Variants in CLK3 observed in about 807,000 individuals in gnomAD.
CLK3 encodes dual specificity protein kinase CLK3.
In CLK3, 24 loss-of-function variants were observed where a neutral mutation model predicts 65.2. The ratio of observed to expected loss-of-function variants is 0.37; its 90% CI spans 0.27 to 0.52. The LOEUF (loss-of-function observed/expected upper bound fraction) is 0.52, where lower values mean the gene tolerates loss of function less well. Among genes scored for constraint, CLK3 ranks in the 20% least tolerant of loss-of-function variants. The pLI is 0.92. For synonymous variants in CLK3, 252 were observed against 240.8 expected, an observed-to-expected ratio of 1.05 and a Z score of -0.43; for missense variants, 506 against 660.0, an observed-to-expected ratio of 0.77 and a Z score of 2.56.
intron 11 of CLK3, 110 bp downstream of exon 11, chr15:74,628,793 C>G (rs2062165834): frequency 9.4e-7 from 1 of 1,065,214 alleles, no homozygotes; most frequent in Non-Finnish European, 1.4e-6. Context: ...GTCCATGGTT[C>G]CGCAGGCTCC....
chr15:74,626,480 G>GA (rs1421127874), intron 7 of CLK3, among the ~76,000 whole-genome samples: 1 of 152,252 alleles, frequency 6.6e-6, no homozygotes, highest in African/African-American at 2.4e-5. Context: ...CGTTGAGCTA[G>GA]AATCGCTCAA....
rs139147245 is a variant in CLK3 at position 74,629,802 on chromosome 15, C to T, written c.1392C>T (p.Ala464=). Residue 464 remains alanine (A), a synonymous_variant, in exon 13 of 13, where the codon GCC becomes GCT. Transcript: ENST00000395066. The part of the protein sequence containing the change: ...EFDPAQRITL[A]EALLHPFFAG... Reference sequence around the variant, plus strand: ...ACCCTGCCCAGCGCATCACACTGGCCGAGGCCCTGCTGCACCCCTTCTTTG... The same window carrying T: ...ACCCTGCCCAGCGCATCACACTGGCTGAGGCCCTGCTGCACCCCTTCTTTG... The T allele has an allele frequency of 1.1e-5, 18 of 1,613,268 alleles. No individual in the cohort carries two copies. The highest frequency in any genetic ancestry group is 6.7e-5 in the Admixed American group (4 of 59,944).
chr15:74,609,815 C>A (rs1205568496), intron 1 of CLK3, among the ~76,000 whole-genome samples: 1 of 152,266 alleles, frequency 6.6e-6, no homozygotes, highest in Admixed American at 6.5e-5. Context: ...CCAGACCACA[C>A]TGGGGTGGTC....
In CLK3 at chr15:74,627,582, C is replaced by T; in HGVS notation, c.956C>T (p.Ala319Val). 1.9e-6 allele frequency: 3 copies of T among 1,614,198 alleles called. No homozygotes were observed. Among genetic ancestry groups the T allele is most frequent in the Non-Finnish European group, 1.7e-6 (2 of 1,180,044 alleles). The stretch of plus-strand genomic sequence containing the variant: ...GTGAAGAACACCAGCATCCGAGTGG[C>T]TGACTTTGGCAGTGCCACATTTGAC... ...KSVKNTSIRV[A>V]DFGSATFDHE... Residue 319 changes from alanine to valine, a missense_variant, in exon 9 of 13, where the codon GCT (alanine) becomes GTT (valine). This residue lies in a region of CLK3 where 325 missense variants were observed against 500.5 expected (regional missense o/e 0.65). Transcript: ENST00000395066. The surrounding 1 kb of genome is among the most constrained non-coding windows in gnomAD (Gnocchi z 4.3).
In CLK3 at chr15:74,627,274, G is replaced by A. The variant is rs2062150886; in HGVS notation, c.818-78G>A. The stretch of plus-strand genomic sequence containing the variant: ...GGACCTCTGGCAGTTGCTGGCATTG[G>A]AAGAGGGGTCTGGCCTAGAGCTGGC... On this transcript the variant is annotated intron_variant, in intron 7 of 12. Coordinates refer to ENST00000395066, the MANE Select transcript of CLK3 (RefSeq NM_001130028.2). The surrounding 1 kb of genome is among the most constrained non-coding windows in gnomAD (Gnocchi z 4.3). 1 of 1,133,668 alleles carries A rather than the reference G, an allele frequency of 8.8e-7. No homozygotes were observed. Among genetic ancestry groups the A allele is most frequent in the Non-Finnish European group, 1.3e-6 (1 of 744,608 alleles). The allele number at this position is 1,133,668 out of a possible 1,614,324, so 70.2% of individuals were successfully genotyped here.
Position 74,623,582 on chromosome 15 carries a change from A to G in CLK3, c.533+1022A>G, listed in dbSNP as rs547478938. 3 of 152,232 alleles carry G rather than the reference A, an allele frequency of 2.0e-5. No individual in the cohort carries two copies. In the East Asian group the frequency reaches 5.8e-4, roughly 29 times the overall value. 9.4% of individuals were successfully genotyped at this position (152,232 alleles called of 1,614,324 possible). ...TGCCTGTACGACTCAGCGTGGCCCA[A>G]GAGGTTAGGGTTGGGACCAGTGGGT... On this transcript the variant is annotated intron_variant, in intron 5 of 12. Transcript: ENST00000395066.
chr15:74,610,250 G>A (rs955583208), intron 1 of CLK3, among the ~76,000 whole-genome samples: 1 of 152,214 alleles, frequency 6.6e-6, no homozygotes, highest in Non-Finnish European at 1.5e-5. Context: ...AGAAGGGATG[G>A]TCTGCCTGTT....
At chr15:74,628,816 C>A in intron 11 of CLK3, 126 bp from the exon 12 acceptor site, 1 of 993,378 alleles carries the variant, frequency 1.0e-6, no homozygotes, top group Non-Finnish European at 1.5e-6. Flanking sequence ...AAAGCCTTCC[C>A]TGTGTGCCCC....
chr15:74,613,803 G>A (rs1184050017), upstream of CLK3, among the ~76,000 whole-genome samples: 4 of 152,120 alleles, frequency 2.6e-5, no homozygotes, highest in African/African-American at 4.8e-5. Flanking sequence ...GGTGGGAGGA[G>A]GAGACACCAG....
At chr15:74,616,132 C>T (rs560877328) in intron 1 of CLK3, among the ~76,000 whole-genome samples, 1 of 152,374 alleles carries the variant, frequency 6.6e-6, no homozygotes, top group Non-Finnish European at 1.5e-5. Context: ...TGAACGGCCT[C>T]TGGGGCCGCT....
intron 1 of CLK3, among the ~76,000 whole-genome samples, chr15:74,618,793 A>G (rs745599501): frequency 4.6e-5 from 7 of 152,058 alleles, no homozygotes; most frequent in Non-Finnish European, 1.0e-4. Flanking sequence ...CAGAGCATTC[A>G]CTTCACGGGA....
chr15:74,611,286 G>C (rs1208521046), upstream of CLK3, among the ~76,000 whole-genome samples: 1 of 152,262 alleles, frequency 6.6e-6, no homozygotes, highest in Non-Finnish European at 1.5e-5. Flanking sequence ...TATGGCACCA[G>C]ATGTGGACAC....
At chr15:74,628,827 T>G (rs2062166228) in intron 11 of CLK3, 115 bp from the exon 12 acceptor site, 1 of 998,310 alleles carries the variant, frequency 1.0e-6, no homozygotes, top group Non-Finnish European at 1.5e-6. Flanking sequence ...TGTGTGCCCC[T>G]GCAGACCTGT....
At chr15:74,609,879 T>C (rs1157724646) in intron 1 of CLK3, among the ~76,000 whole-genome samples, 1 of 152,218 alleles carries the variant, frequency 6.6e-6, no homozygotes, top group Non-Finnish European at 1.5e-5. Context: ...TGGCCCCAAC[T>C]CAAGTTATGA....
upstream of CLK3, among the ~76,000 whole-genome samples, chr15:74,612,421 TC>T (rs2062001199): frequency 6.6e-6 from 1 of 152,008 alleles, no homozygotes; most frequent in South Asian, 2.1e-4. Flanking sequence ...AGTGTTGCCA[TC>T]CCTACACCCC....
rs2062083846 is a variant in CLK3 at position 74,619,343 on chromosome 15, C to T, written c.147C>T (p.Ser49=). Residue 49 remains serine, a synonymous_variant, in exon 2 of 13, where the codon TCC becomes TCT. Coordinates refer to ENST00000395066, the MANE Select transcript of CLK3 (RefSeq NM_001130028.2). ...AGCCTCCCCCACGAAGATCTCGGTC[C>T]AGAAGGTGAGAGGGAACTAGATAGG... ...RREPPPRRSR[S]RSHDRLPYQR... is the part of the protein sequence containing the mutation. The T allele has an allele frequency of 1.2e-6, 2 of 1,613,952 alleles. No individual in the cohort carries two copies. The highest frequency in any genetic ancestry group is 1.7e-6 in the Non-Finnish European group (2 of 1,179,980).
At chr15:74,615,411 A>T, upstream of CLK3, 2 of 1,250,962 alleles carry the variant, frequency 1.6e-6, no homozygotes, top group African/African-American at 3.1e-5. Context: ...GCTCCGGCAC[A>T]CAGACCTCAG....
At chr15:74,615,444 C>T (rs566878017), upstream of CLK3, 40 of 1,277,912 alleles carry the variant, frequency 3.1e-5, no homozygotes, top group Non-Finnish European at 3.8e-5. Context: ...CTCTCCGGGG[C>T]CCCGAGAACA....
chr15:74,614,159 G>C (rs1259546567), upstream of CLK3, among the ~76,000 whole-genome samples: 1 of 152,132 alleles, frequency 6.6e-6, no homozygotes, highest in Non-Finnish European at 1.5e-5. Context: ...GACTACAGGC[G>C]CGTGCCACCA....
Sources: gnomAD v4.1 joint callset for allele counts (sites outside exome capture counted in the v4.1 genomes callset) on GRCh38, gnomAD v4.1.1 for gene constraint, gnomAD v4.1.1 regional missense constraint, Gnocchi (gnomAD v3.1) non-coding constraint, MANE v1.5 for transcripts, NCBI Gene and HGNC (gene_info 2026-07-23, HGNC 2026-07-21) for gene names.